Variants in NGEF observed in about 807,000 individuals in gnomAD.
The protein encoded by NGEF is neuronal guanine nucleotide exchange factor.
In NGEF, 31 loss-of-function variants were observed where a neutral mutation model predicts 80.9. The observed-to-expected ratio is 0.38, with a 90% CI of 0.29 to 0.52. NGEF has a LOEUF of 0.52. Ranked by LOEUF, NGEF falls within the 20% of genes least tolerant of loss-of-function variation. The probability of loss-of-function intolerance (pLI) is 0.84; values close to 1 mark genes in which losing one functional copy is unlikely to be tolerated. For missense variants in NGEF, 709 were observed against 926.2 expected (o/e 0.77, Z 3.04); for synonymous variants, 371 against 370.2 (o/e 1.00, Z -0.03).
At chr2:232,930,641 T>C (rs1693198478) in intron 3 of NGEF, among the ~76,000 whole-genome samples, 1 of 152,040 alleles carries the variant, frequency 6.6e-6, no homozygotes, top group African/African-American at 2.4e-5. Flanking sequence ...ACGCCTGGCC[T>C]CTCTGGGGTC....
At chr2:232,906,210 A>G (rs867826093) in intron 5 of NGEF, among the ~76,000 whole-genome samples, 1,727 of 8,716 alleles carry the variant, frequency 0.2, 303 homozygotes, top group African/African-American at 0.43. Flanking sequence ...CCGTCCGGGA[A>G]GGAGGTGGGG....
chr2:232,908,152 A>T (rs868710137), intron 5 of NGEF, among the ~76,000 whole-genome samples: 32 of 152,334 alleles, frequency 2.1e-4, no homozygotes, highest in African/African-American at 7.0e-4. Context: ...TTGCGTCTTT[A>T]AACAGCTGTA....
intron 1 of NGEF, among the ~76,000 whole-genome samples, chr2:232,995,555 T>C (rs372244074): frequency 5.3e-5 from 2 of 37,494 alleles, no homozygotes; most frequent in African/African-American, 1.6e-4. Flanking sequence ...GTATACTATA[T>C]ACAGTATGTA....
intron 1 of NGEF, among the ~76,000 whole-genome samples, chr2:233,010,581 T>TTTTTC (rs1695181621): frequency 6.6e-6 from 1 of 152,154 alleles, no homozygotes; most frequent in Non-Finnish European, 1.5e-5. Context: ...TGTGATTTTT[T>TTTTTC]TTTTTCCTTG....
At chr2:232,946,353 A>G (rs1693558472) in intron 3 of NGEF, among the ~76,000 whole-genome samples, 1 of 152,262 alleles carries the variant, frequency 6.6e-6, no homozygotes, top group South Asian at 2.1e-4. Flanking sequence ...CGGCTGATAG[A>G]TGTACCAAAA....
At chr2:232,924,260 C>A (rs768115739) in intron 4 of NGEF, among the ~76,000 whole-genome samples, 6 of 152,014 alleles carry the variant, frequency 3.9e-5, no homozygotes, top group Non-Finnish European at 8.8e-5. Flanking sequence ...TAAATAAATA[C>A]ATTTTTAAAA....
At chr2:232,992,931 G>A (rs896349101) in intron 1 of NGEF, among the ~76,000 whole-genome samples, 3 of 150,062 alleles carry the variant, frequency 2.0e-5, no homozygotes, top group African/African-American at 7.4e-5. Context: ...AGGTTGCGGT[G>A]AGCCCAGATT....
At chr2:232,927,216 G>A (rs780937093) in intron 3 of NGEF, 30 bp from the exon 4 acceptor site, 1 of 1,528,260 alleles carries the variant, frequency 6.5e-7, no homozygotes, top group African/African-American at 1.4e-5. Flanking sequence ...ACAGGGGCTG[G>A]TTATTTTTAA....
At chr2:232,978,160 T>TC (rs201252792) in intron 1 of NGEF, among the ~76,000 whole-genome samples, 18 of 28,920 alleles carry the variant, frequency 6.2e-4, no homozygotes, top group African/African-American at 5.1e-3. Context: ...AACATGAACT[T>TC]TTTTTTTTTT....
At chr2:232,974,343 G>A (rs1694247990) in intron 2 of NGEF, among the ~76,000 whole-genome samples, 1 of 152,216 alleles carries the variant, frequency 6.6e-6, no homozygotes. Flanking sequence ...CATGTACAGC[G>A]AGGGGTGTTT....
chr2:232,907,316 A>T (rs2106262778), intron 5 of NGEF, among the ~76,000 whole-genome samples: 1 of 152,162 alleles, frequency 6.6e-6, no homozygotes, highest in East Asian at 1.9e-4. Context: ...ACAGTAATTC[A>T]GCACGACCTG....
At chr2:232,946,279 G>C (rs543683513) in intron 3 of NGEF, among the ~76,000 whole-genome samples, 6 of 152,072 alleles carry the variant, frequency 3.9e-5, no homozygotes, top group Admixed American at 3.9e-4. Context: ...TTGGGGACTT[G>C]GGGGGAAGGT....
At chr2:232,902,262 A>T (rs1289086720) in intron 5 of NGEF, among the ~76,000 whole-genome samples, 3 of 152,232 alleles carry the variant, frequency 2.0e-5, no homozygotes, top group Non-Finnish European at 2.9e-5. Flanking sequence ...AAAGGCTTCC[A>T]GTTAAGAAGA....
At chr2:233,003,429 G>T (rs1404155318) in intron 1 of NGEF, among the ~76,000 whole-genome samples, 2 of 152,196 alleles carry the variant, frequency 1.3e-5, no homozygotes, top group Non-Finnish European at 1.5e-5. Context: ...CTAGGTTCTG[G>T]CAATGGTTCG....
intron 5 of NGEF, among the ~76,000 whole-genome samples, chr2:232,907,179 G>GAAAAAAAA (rs1455116424): frequency 1.2e-4 from 3 of 25,496 alleles, no homozygotes; most frequent in Non-Finnish European, 1.6e-4. Context: ...AAAAAGAAAA[G>GAAAAAAAA]AAAAAAAAGA....
intron 1 of NGEF, among the ~76,000 whole-genome samples, chr2:233,004,093 T>A (rs1337091219): frequency 6.6e-6 from 1 of 152,114 alleles, no homozygotes; most frequent in Non-Finnish European, 1.5e-5. Flanking sequence ...TTGATCTCTG[T>A]CACGATCATG....
chr2:232,939,248 G>T (rs1693392196), intron 3 of NGEF, among the ~76,000 whole-genome samples: 1 of 149,584 alleles, frequency 6.7e-6, no homozygotes, highest in African/African-American at 2.5e-5. Flanking sequence ...GGCACTCAGA[G>T]TTATTCATCT....
chr2:233,007,207 G>A (rs1241509421), intron 1 of NGEF, among the ~76,000 whole-genome samples: 1 of 152,188 alleles, frequency 6.6e-6, no homozygotes, highest in Admixed American at 6.5e-5. Flanking sequence ...TCCCACCACT[G>A]CACTCCAGCC....
At chr2:232,961,232 C>T (rs1276910317) in intron 3 of NGEF, among the ~76,000 whole-genome samples, 2 of 152,090 alleles carry the variant, frequency 1.3e-5, no homozygotes, top group Admixed American at 1.3e-4. Flanking sequence ...GCCTCTAGCC[C>T]CCACCGTTCT....
Sources: allele counts gnomAD v4.1 joint callset (sites outside exome capture counted in the v4.1 genomes callset), GRCh38; gene constraint gnomAD v4.1.1; transcripts MANE v1.5; gene names NCBI Gene and HGNC (gene_info 2026-07-23, HGNC 2026-07-21).